The following CNTNAP5 variants were observed in gnomAD, a reference collection of about 807,000 sequenced individuals.
CNTNAP5 encodes contactin-associated protein-like 5.
Under a neutral mutation model 150.2 loss-of-function variants are expected in CNTNAP5, and 72 were observed. The observed-to-expected ratio is 0.48, with a 90% CI of 0.40 to 0.58. CNTNAP5 has a LOEUF of 0.58. Ranked by LOEUF, CNTNAP5 falls within the 20% of genes least tolerant of loss-of-function variation. CNTNAP5 has a pLI of 0.00. For synonymous variants in CNTNAP5, 672 were observed against 619.8 expected (o/e 1.08, Z -1.25); for missense variants, 1,636 against 1,626.2 (o/e 1.01, Z -0.10).
chr2:124,350,927 T>C (rs890149949), intron 3 of CNTNAP5, among the ~76,000 whole-genome samples: 1 of 152,174 alleles, frequency 6.6e-6, no homozygotes, highest in Non-Finnish European at 1.5e-5. Context: ...TTTTGTGTGT[T>C]TCCTCAAAGA....
rs114209874 is a variant in CNTNAP5, at chr2:124,050,962, G to C, written c.82+25230G>C. 8.6e-3 allele frequency among the ~76,000 whole-genome samples: 1,309 copies of C among 152,216 alleles called. 14 individuals carry two copies. Among genetic ancestry groups the C allele is most frequent in the Middle Eastern group, 0.048 (14 of 294 alleles). On this transcript the variant is annotated intron_variant, in intron 1 of 23. Transcript: ENST00000682447. ...ATAACATCTAGAGTGCTTAATCTCG[G>C]ATGTGTAGAGAATTTTCCTGGACTG...
intron 1 of CNTNAP5, among the ~76,000 whole-genome samples, chr2:124,104,696 G>A (rs918660422): frequency 5.9e-5 from 9 of 152,034 alleles, no homozygotes; most frequent in Non-Finnish European, 1.0e-4. Context: ...CTTGCAGAAC[G>A]CATTACCATG....
intron 6 of CNTNAP5, among the ~76,000 whole-genome samples, chr2:124,462,211 T>C (rs1693272233): frequency 6.6e-6 from 1 of 151,442 alleles, no homozygotes; most frequent in Admixed American, 6.6e-5. Context: ...ATCTGGGGAG[T>C]AGGTTTTCCC....
chr2:124,177,094 C>T (rs777178330), intron 1 of CNTNAP5, among the ~76,000 whole-genome samples: 3 of 152,046 alleles, frequency 2.0e-5, no homozygotes, highest in South Asian at 2.1e-4. Context: ...GTGATCCGCT[C>T]GCCTTGGCCT....
chr2:124,178,245 A>T (rs1685117496), intron 1 of CNTNAP5, among the ~76,000 whole-genome samples: 4 of 152,128 alleles, frequency 2.6e-5, no homozygotes, highest in Admixed American at 2.6e-4. Context: ...TCAGTGATGT[A>T]TTTCTTTCAG....
chr2:124,093,004 C>A (rs1682850312), intron 1 of CNTNAP5, among the ~76,000 whole-genome samples: 1 of 152,172 alleles, frequency 6.6e-6, no homozygotes, highest in Non-Finnish European at 1.5e-5. Flanking sequence ...TCAGCGTTCA[C>A]ACATTTAAAA....
intron 3 of CNTNAP5, among the ~76,000 whole-genome samples, chr2:124,368,412 G>A (rs1320464352): frequency 6.6e-6 from 1 of 152,138 alleles, no homozygotes; most frequent in African/African-American, 2.4e-5. Context: ...CAGTACAACT[G>A]CTACAGAAGC....
intron 3 of CNTNAP5, among the ~76,000 whole-genome samples, chr2:124,366,048 T>G (rs1435592272): frequency 6.6e-6 from 1 of 152,174 alleles, no homozygotes; most frequent in Non-Finnish European, 1.5e-5. Context: ...TTAACATTGG[T>G]TTTTCTTTGG....
chr2:124,184,849 A>T lies in CNTNAP5; in HGVS notation c.83-36856A>T, dbSNP rs921075688. Among the ~76,000 whole-genome samples, 109 of 152,158 alleles carry T rather than the reference A, an allele frequency of 7.2e-4. 1 individual carries two copies. Among genetic ancestry groups the T allele is most frequent in the Non-Finnish European group, 8.5e-4 (58 of 68,036 alleles). On this transcript the variant is annotated intron_variant, in intron 1 of 23. Coordinates refer to ENST00000682447, the MANE Select transcript of CNTNAP5 (RefSeq NM_001367498.1). ...AGATGGAACCATACTTTAAACTGGG[A>T]AGAAGATGGCATGTGTGCACATTTC...
chr2:124,553,561 T>C (rs756145540), intron 10 of CNTNAP5, among the ~76,000 whole-genome samples: 2 of 149,146 alleles, frequency 1.3e-5, no homozygotes, highest in African/African-American at 2.5e-5. Flanking sequence ...GATTATGCAG[T>C]CTCAAAAAAA....
intron 3 of CNTNAP5, among the ~76,000 whole-genome samples, chr2:124,368,976 G>A (rs1269675642): frequency 6.6e-6 from 1 of 152,128 alleles, no homozygotes; most frequent in Non-Finnish European, 1.5e-5. Flanking sequence ...ATATAAAATT[G>A]TGGCTTGTTT....
intron 3 of CNTNAP5, among the ~76,000 whole-genome samples, chr2:124,244,352 G>T (rs930697131): frequency 6.6e-6 from 1 of 152,094 alleles, no homozygotes; most frequent in Non-Finnish European, 1.5e-5. Context: ...CTTATTTTGG[G>T]GTGATTATTA....
chr2:124,681,730 A>AT (rs1237286681), intron 13 of CNTNAP5, among the ~76,000 whole-genome samples: 5 of 151,856 alleles, frequency 3.3e-5, no homozygotes, highest in Non-Finnish European at 7.4e-5. Flanking sequence ...TGGCAGGCTA[A>AT]TTTTTTGTAT....
intron 1 of CNTNAP5, among the ~76,000 whole-genome samples, chr2:124,118,597 G>A (rs1006270540): frequency 1.3e-5 from 2 of 152,166 alleles, no homozygotes; most frequent in African/African-American, 4.8e-5. Flanking sequence ...AATAAGGGTA[G>A]TGGAAGGTCA....
At chr2:124,569,850 G>A (rs1380131613) in intron 11 of CNTNAP5, among the ~76,000 whole-genome samples, 1 of 152,158 alleles carries the variant, frequency 6.6e-6, no homozygotes, top group East Asian at 1.9e-4. Flanking sequence ...AGATGTTATA[G>A]TAATCATTGC....
Position 124,270,704 on chromosome 2 carries a change from T to C in CNTNAP5, c.381+28311T>C, listed in dbSNP as rs56231289. Among the ~76,000 whole-genome samples the C allele has an allele frequency of 5.3e-3, 805 of 151,896 alleles. 10 individuals carry two copies. The highest frequency in any genetic ancestry group is 0.018 in the African/African-American group (761 of 41,512). On this transcript the variant is annotated intron_variant, in intron 3 of 23. Coordinates refer to ENST00000682447, the MANE Select transcript of CNTNAP5 (RefSeq NM_001367498.1). ...ACATGTGCGCGTGCTTGCGTGCATG[T>C]GTGTGTGTGTGTGTTTTAGGCCAAG...
At chr2:124,117,173 C>T (rs1293280863) in intron 1 of CNTNAP5, among the ~76,000 whole-genome samples, 2 of 152,090 alleles carry the variant, frequency 1.3e-5, no homozygotes, top group African/African-American at 2.4e-5. Flanking sequence ...AAATATAAAC[C>T]GAGCCAAGAA....
chr2:124,477,392 G>A (rs571237745), intron 7 of CNTNAP5, among the ~76,000 whole-genome samples: 1 of 152,180 alleles, frequency 6.6e-6, no homozygotes, highest in African/African-American at 2.4e-5. Flanking sequence ...AGGGTATGAG[G>A]CAGAGGATGC....
At chr2:124,560,527 A>AG (rs1695865788) in intron 10 of CNTNAP5, among the ~76,000 whole-genome samples, 1 of 151,820 alleles carries the variant, frequency 6.6e-6, no homozygotes, top group Admixed American at 6.6e-5. Flanking sequence ...TCAAAAAAAA[A>AG]AAAAAAAAAC....
Sources: gnomAD v4.1 joint callset for allele counts (sites outside exome capture counted in the v4.1 genomes callset) on GRCh38, gnomAD v4.1.1 for gene constraint, MANE v1.5 for transcripts, NCBI Gene and HGNC (gene_info 2026-07-23, HGNC 2026-07-21) for gene names.